SPOCK3: variants seen among roughly 807,000 people sequenced by gnomAD.
SPOCK3 encodes testican-3.
A neutral mutation model predicts 56.6 loss-of-function variants in SPOCK3; 30 were observed. The observed-to-expected ratio is 0.53, with a 90% confidence interval of 0.40 to 0.72. SPOCK3 has a LOEUF of 0.72. Among genes scored for constraint, SPOCK3 ranks in the 30% least tolerant of loss-of-function variants. The probability of loss-of-function intolerance (pLI) is 0.00; values close to 1 mark genes in which losing one functional copy is unlikely to be tolerated. For synonymous variants in SPOCK3, 196 were observed against 183.3 expected (o/e 1.07, Z -0.56); for missense variants, 527 against 530.0 (o/e 0.99, Z 0.06).
intron 6 of SPOCK3, among the ~76,000 whole-genome samples, chr4:166,825,946 C>T (rs571168817): frequency 1.3e-5 from 2 of 152,078 alleles, no homozygotes; most frequent in African/African-American, 2.4e-5. Flanking sequence ...GTACAGTGTA[C>T]ACTGCTTGGG....
At chr4:166,784,531 T>A (rs541153797) in intron 7 of SPOCK3, among the ~76,000 whole-genome samples, 1 of 152,216 alleles carries the variant, frequency 6.6e-6, no homozygotes, top group Non-Finnish European at 1.5e-5. Flanking sequence ...AGCAATGATA[T>A]GGATCTCTCA....
rs968785343 is a variant in SPOCK3, at chr4:167,191,296, A to C, written c.189+42689T>G. Reference sequence around the variant, plus strand: ...GCACAAAGCAAGAAAAGAATGAAGCAAAAAAAGCACAGATTTATTGAAATG... The same window carrying C: ...GCACAAAGCAAGAAAAGAATGAAGCCAAAAAAGCACAGATTTATTGAAATG... On this transcript the variant is annotated intron_variant, in intron 2 of 10. Transcript: ENST00000357545. 6.2e-5 allele frequency among the ~76,000 whole-genome samples: 9 copies of C among 145,884 alleles called. 2 individuals are homozygous for C. Among genetic ancestry groups the C allele is most frequent in the Non-Finnish European group, 1.3e-4 (9 of 66,702 alleles).
At chr4:167,002,898 CAATTA>C (rs1220910573) in intron 3 of SPOCK3, among the ~76,000 whole-genome samples, 2 of 152,148 alleles carry the variant, frequency 1.3e-5, no homozygotes, top group Non-Finnish European at 2.9e-5. Flanking sequence ...TTCTGCCTAA[CAATTA>C]AATAATGTAC....
intron 3 of SPOCK3, among the ~76,000 whole-genome samples, chr4:167,016,063 A>G (rs1354359040): frequency 6.6e-6 from 1 of 152,174 alleles, no homozygotes; most frequent in Non-Finnish European, 1.5e-5. Context: ...TTGTAAATTG[A>G]CGATCCAATT....
chr4:166,948,270 C>T (rs1408956838), intron 4 of SPOCK3, among the ~76,000 whole-genome samples: 1 of 152,120 alleles, frequency 6.6e-6, no homozygotes, highest in African/African-American at 2.4e-5. Flanking sequence ...TGATGAACAC[C>T]TAGATTGATT....
chr4:166,796,814 G>A (rs1741988194), intron 6 of SPOCK3, among the ~76,000 whole-genome samples: 1 of 152,156 alleles, frequency 6.6e-6, no homozygotes, highest in Non-Finnish European at 1.5e-5. Context: ...TGGTCTTCCT[G>A]ATGGGATTGA....
chr4:167,096,909 C>G (rs1278633294), intron 2 of SPOCK3, among the ~76,000 whole-genome samples: 1 of 151,800 alleles, frequency 6.6e-6, no homozygotes, highest in Non-Finnish European at 1.5e-5. Flanking sequence ...TCAGTTCCAT[C>G]AGTTTTTGCC....
intron 8 of SPOCK3, among the ~76,000 whole-genome samples, chr4:166,748,823 T>C (rs7686133): frequency 0.72 from 97,334 of 134,996 alleles, 40,089 homozygotes; most frequent in South Asian, 0.78. Context: ...AAAAAGTGGG[T>C]AAAGGATATG....
chr4:167,002,950 C>T (rs927215365), intron 3 of SPOCK3, among the ~76,000 whole-genome samples: 2 of 152,042 alleles, frequency 1.3e-5, no homozygotes, highest in African/African-American at 2.4e-5. Context: ...GTCATATACT[C>T]CTTTTGAGTA....
chr4:166,824,406 A>G (rs780610230), intron 6 of SPOCK3, among the ~76,000 whole-genome samples: 22 of 152,176 alleles, frequency 1.4e-4, no homozygotes, highest in Non-Finnish European at 2.6e-4. Flanking sequence ...CAGAGCCTAG[A>G]TCTTATTCCA....
intron 2 of SPOCK3, among the ~76,000 whole-genome samples, chr4:167,181,227 T>C (rs1201418756): frequency 6.6e-6 from 1 of 152,172 alleles, no homozygotes; most frequent in Non-Finnish European, 1.5e-5. Flanking sequence ...CCCCATCTTG[T>C]TACAAGGCAA....
At chr4:166,841,661 T>C (rs1249243064) in intron 6 of SPOCK3, among the ~76,000 whole-genome samples, 1 of 152,194 alleles carries the variant, frequency 6.6e-6, no homozygotes, top group African/African-American at 2.4e-5. Flanking sequence ...TAAATGCCCT[T>C]TTGCATACAT....
At chr4:166,738,253 T>C (rs567278417) in intron 9 of SPOCK3, among the ~76,000 whole-genome samples, 8 of 152,140 alleles carry the variant, frequency 5.3e-5, no homozygotes, top group African/African-American at 1.7e-4. Context: ...TGTGTGTGTG[T>C]GTTGACTGTC....
intron 8 of SPOCK3, among the ~76,000 whole-genome samples, chr4:166,751,831 A>G (rs1736408670): frequency 6.6e-6 from 1 of 152,140 alleles, no homozygotes; most frequent in Admixed American, 6.6e-5. Context: ...CCAAATTGAT[A>G]TTCCTCCTAC....
intron 2 of SPOCK3, among the ~76,000 whole-genome samples, chr4:167,084,177 T>C (rs2150296085): frequency 6.6e-6 from 1 of 152,152 alleles, no homozygotes; most frequent in East Asian, 1.9e-4. Flanking sequence ...ATATTAAAAG[T>C]TATTAAAAGA....
intron 2 of SPOCK3, among the ~76,000 whole-genome samples, chr4:167,171,350 T>C (rs1288375817): frequency 6.6e-6 from 1 of 152,146 alleles, no homozygotes; most frequent in Admixed American, 6.6e-5. Context: ...AGAAATTTAA[T>C]ATAATTCAGA....
chr4:166,978,460 A>G (rs1286549774), intron 4 of SPOCK3, among the ~76,000 whole-genome samples: 1 of 152,188 alleles, frequency 6.6e-6, no homozygotes, highest in Non-Finnish European at 1.5e-5. Context: ...TTAAGGTCAG[A>G]GATGAATAAA....
chr4:166,971,779 G>A lies in SPOCK3; in HGVS notation c.350+28570C>T, dbSNP rs138200308. ...AAACATACTAGACATTATTAGCTTC[G>A]GCTTACAACTAAACACAAATATTAG... On this transcript the variant is annotated intron_variant, in intron 4 of 10. Transcript: ENST00000357545. Among the ~76,000 whole-genome samples the A allele has an allele frequency of 9.2e-5, 14 of 151,972 alleles. No individual in the cohort carries two copies. In the East Asian group the frequency reaches 2.5e-3, roughly 27 times the overall value.
At chr4:166,817,792 T>G (rs1166312849) in intron 6 of SPOCK3, among the ~76,000 whole-genome samples, 2 of 151,932 alleles carry the variant, frequency 1.3e-5, no homozygotes, top group Admixed American at 6.6e-5. Context: ...CAGAGAGAGA[T>G]ATAATACAGA....
Sources: gnomAD v4.1 joint callset for allele counts (sites outside exome capture counted in the v4.1 genomes callset) on GRCh38, gnomAD v4.1.1 for gene constraint, MANE v1.5 for transcripts, NCBI Gene and HGNC (gene_info 2026-07-23, HGNC 2026-07-21) for gene names.